The following SHC3 variants were observed in gnomAD, a reference collection of about 807,000 sequenced individuals.
SHC3 encodes the protein SHC-transforming protein 3.
A neutral mutation model predicts 60.4 loss-of-function variants in SHC3; 15 were observed. That is an observed-to-expected ratio of 0.25 (90% CI 0.17 to 0.38). The LOEUF is 0.38. Among genes scored for constraint, SHC3 ranks in the 10% least tolerant of loss-of-function variants. The pLI is 1.00. For missense variants in SHC3, 677 were observed against 786.1 expected (o/e 0.86, Z 1.66); for synonymous variants, 294 against 325.9 (o/e 0.90, Z 1.05).
intron 11 of SHC3, among the ~76,000 whole-genome samples, chr9:89,029,707 A>G (rs1824450215): frequency 6.6e-6 from 1 of 152,336 alleles, no homozygotes. Context: ...AATAGATGGA[A>G]TGAGCAAGGC....
At chr9:89,048,241 T>TTAA (rs377164879) in intron 7 of SHC3, among the ~76,000 whole-genome samples, 3 of 133,952 alleles carry the variant, frequency 2.2e-5, no homozygotes, top group African/African-American at 5.5e-5. Context: ...AAGACTCCAT[T>TTAA]AAAAAAAAAA....
chr9:89,141,537 G>A (rs894439262), intron 1 of SHC3, among the ~76,000 whole-genome samples: 2 of 152,232 alleles, frequency 1.3e-5, no homozygotes, highest in African/African-American at 4.8e-5. Flanking sequence ...TTGCCAGCAT[G>A]CCAGGCTTCT....
intron 1 of SHC3, among the ~76,000 whole-genome samples, chr9:89,136,558 A>T (rs1244022382): frequency 1.3e-5 from 2 of 152,144 alleles, no homozygotes; most frequent in Non-Finnish European, 2.9e-5. Context: ...AGGAATGCTC[A>T]GTTCCTGGAA....
chr9:89,078,885 T>A (rs73498160), intron 2 of SHC3, among the ~76,000 whole-genome samples: 4,508 of 152,228 alleles, frequency 0.03, 208 homozygotes, highest in African/African-American at 0.1. Flanking sequence ...AGATAATAGG[T>A]CCTCAGAAAC....
chr9:89,057,327 T>C (rs1327686288), intron 6 of SHC3, among the ~76,000 whole-genome samples: 2 of 149,494 alleles, frequency 1.3e-5, no homozygotes, highest in Non-Finnish European at 3.0e-5. Flanking sequence ...TTTTTTTTTT[T>C]TTTTTTTTAA....
chr9:89,169,177 C>T (rs1248874291), intron 1 of SHC3, among the ~76,000 whole-genome samples: 1 of 152,154 alleles, frequency 6.6e-6, no homozygotes, highest in Non-Finnish European at 1.5e-5. Context: ...CACCCATTTC[C>T]AGAAGGCTCC....
At chr9:89,027,162 G>A (rs61072889) in intron 11 of SHC3, among the ~76,000 whole-genome samples, 1 of 152,112 alleles carries the variant, frequency 6.6e-6, no homozygotes, top group Non-Finnish European at 1.5e-5. Context: ...GGGGCTAGAC[G>A]CATTGTCCTG....
intron 8 of SHC3, 138 bp from the exon 9 acceptor site, chr9:89,045,971 C>T: frequency 1.4e-6 from 1 of 716,298 alleles, no homozygotes; most frequent in South Asian, 1.9e-5. Flanking sequence ...TCCCTTCATG[C>T]CTCATGGTTG....
At chr9:89,101,737 G>T (rs938114299) in intron 2 of SHC3, among the ~76,000 whole-genome samples, 1 of 151,300 alleles carries the variant, frequency 6.6e-6, no homozygotes, top group African/African-American at 2.4e-5. Flanking sequence ...TTGACATATC[G>T]CTTGATCCAA....
chr9:89,051,663 G>A lies in SHC3; in HGVS notation c.962+374C>T, dbSNP rs545711850. 2.6e-4 allele frequency among the ~76,000 whole-genome samples: 39 copies of A among 152,336 alleles called. No individual in the cohort carries two copies. The South Asian group carries it at 3.7e-3, about 15-fold the overall frequency. ...TCTTGTAGCACGACTTTGGCTAATCGTAACGACAAGGACAATGGGACACAC... is the reference window on the plus strand; with the variant it reads ...TCTTGTAGCACGACTTTGGCTAATCATAACGACAAGGACAATGGGACACAC... On this transcript the variant is annotated intron_variant, in intron 7 of 11. Coordinates refer to ENST00000375835, the MANE Select transcript of SHC3 (RefSeq NM_016848.6).
intron 1 of SHC3, among the ~76,000 whole-genome samples, chr9:89,133,316 C>T (rs1187768637): frequency 6.6e-6 from 1 of 152,156 alleles, no homozygotes; most frequent in African/African-American, 2.4e-5. Context: ...GTTGGTGGGA[C>T]TTTAAACTAG....
chr9:89,018,254 A>G (rs1374007885), intron 11 of SHC3, among the ~76,000 whole-genome samples: 1 of 152,262 alleles, frequency 6.6e-6, no homozygotes, highest in Non-Finnish European at 1.5e-5. Context: ...ATGCTCATCA[A>G]TGATAGACTG....
intron 1 of SHC3, among the ~76,000 whole-genome samples, chr9:89,139,639 A>G (rs931299070): frequency 6.6e-6 from 1 of 152,224 alleles, no homozygotes; most frequent in African/African-American, 2.4e-5. Context: ...CTTATCACAC[A>G]GGTCAGGAAT....
chr9:89,172,657 C>A (rs1168709596), intron 1 of SHC3, among the ~76,000 whole-genome samples: 1 of 152,022 alleles, frequency 6.6e-6, no homozygotes, highest in Non-Finnish European at 1.5e-5. Flanking sequence ...TCACTGCCTC[C>A]CACCTTAAAG....
chr9:89,118,220 A>ATT (rs370492467), intron 1 of SHC3, among the ~76,000 whole-genome samples: 203 of 130,416 alleles, frequency 1.6e-3, no homozygotes, highest in African/African-American at 3.7e-3. Flanking sequence ...GTCTCTACCT[A>ATT]TTTTTTTTTT....
intron 2 of SHC3, among the ~76,000 whole-genome samples, chr9:89,100,428 G>C (rs887345990): frequency 6.6e-6 from 1 of 151,998 alleles, no homozygotes; most frequent in African/African-American, 2.4e-5. Context: ...TGCAAAGATA[G>C]GGGTCTCACT....
intron 9 of SHC3, among the ~76,000 whole-genome samples, chr9:89,043,297 G>T (rs1209379350): frequency 6.6e-6 from 1 of 152,206 alleles, no homozygotes; most frequent in Non-Finnish European, 1.5e-5. Context: ...CAACATCATG[G>T]ACTGTGTTTC....
chr9:89,135,292 G>C (rs915184877), intron 1 of SHC3, among the ~76,000 whole-genome samples: 6 of 152,042 alleles, frequency 3.9e-5, no homozygotes, highest in African/African-American at 1.4e-4. Context: ...CCTGTGGTAA[G>C]TAAAGAATGT....
chr9:89,019,288 A>T (rs550678387), intron 11 of SHC3, among the ~76,000 whole-genome samples: 1 of 152,254 alleles, frequency 6.6e-6, no homozygotes, highest in East Asian at 1.9e-4. Context: ...TTTTAGGTAG[A>T]AGTCTCTAAG....
Sources: allele counts gnomAD v4.1 joint callset (sites outside exome capture counted in the v4.1 genomes callset), GRCh38; gene constraint gnomAD v4.1.1; transcripts MANE v1.5; gene names NCBI Gene and HGNC (gene_info 2026-07-23, HGNC 2026-07-21).